Variants in SMTN observed in about 807,000 individuals in gnomAD.
SMTN encodes the protein smoothelin.
SMTN carries 58 observed loss-of-function variants against 102.0 expected under a neutral mutation model. The observed-to-expected ratio is 0.57, with a 90% CI of 0.46 to 0.71. SMTN has a LOEUF of 0.71. SMTN is among the 30% of genes least tolerant of loss of function. The pLI, the probability that SMTN is intolerant of heterozygous loss-of-function variation, is 0.00. For missense variants in SMTN, 1,185 were observed against 1,241.7 expected (o/e 0.95, Z 0.69); for synonymous variants, 478 against 497.9 (o/e 0.96, Z 0.53).
Position 31,083,182 on chromosome 22 carries a change from T to C in SMTN, c.-77T>C. ...GATTCATGTCTGTCCCCTGCAGAAT[T>C]CTCTGAGCTGGTGACAGGTGCCACA... On this transcript the variant is annotated 5_prime_UTR_variant, in exon 2 of 21. Transcript: ENST00000333137. 2 of 1,569,072 alleles carry C rather than the reference T, an allele frequency of 1.3e-6. No individual in the cohort carries two copies. Among genetic ancestry groups the C allele is most frequent in the Non-Finnish European group, 1.7e-6 (2 of 1,156,576 alleles).
chr22:31,074,615 T>C (rs752769444), intron 1 of SMTN, among the ~76,000 whole-genome samples: 15 of 152,038 alleles, frequency 9.9e-5, no homozygotes, highest in Non-Finnish European at 1.6e-4. Context: ...CATGGTGAAA[T>C]CCTGTCTCTA....
chr22:31,090,950 G>A lies in SMTN; in HGVS notation c.938-11G>A. 1 of 1,612,860 alleles carries A rather than the reference G, an allele frequency of 6.2e-7. No homozygotes were observed. On this transcript the variant is annotated splice_polypyrimidine_tract_variant and intron_variant, in intron 9 of 20. Transcript: ENST00000333137. ...CCACCCAGTTGCTGACAGCCCTCCT[G>A]TTCCTTCTAGAGTCCACCCCCCTTG... is the stretch of plus-strand genomic sequence containing the variant.
chr22:31,064,172 A>C (rs887748216), exon 1 of SMTN: 3 of 152,298 alleles, frequency 2.0e-5, no homozygotes, highest in African/African-American at 4.8e-5. Flanking sequence ...GAAGAGGAAG[A>C]AGCAGAACTG....
At position 31,091,414 on chromosome 22, in the gene SMTN, A is replaced by G. The variant is rs200763284; in HGVS notation, c.1391A>G (p.Glu464Gly). ...GGSMKTTFTI[E>G]IKDGRGQAST... ...AGTATGAAGACCACATTCACCATCG[A>G]GATCAAGGACGGCCGTGGCCAGGCC... Residue 464 changes from glutamate to glycine, a missense_variant, in exon 10 of 21, where the codon GAG becomes GGG. Glu to Gly is a moderately conservative substitution (Grantham distance 98). Around this residue, in one of 2 missense-constraint regions of SMTN, gnomAD observed 1,096 missense variants for 1,112.7 expected, o/e 0.98. Coordinates refer to ENST00000333137, the MANE Select transcript of SMTN (RefSeq NM_134269.3). The G allele has an allele frequency of 4.2e-5, 66 of 1,570,112 alleles. No homozygotes were observed. Among genetic ancestry groups the G allele is most frequent in the Non-Finnish European group, 4.0e-5 (46 of 1,163,490 alleles).
intron 19 of SMTN, 89 bp downstream of exon 19, chr22:31,099,985 G>A: frequency 7.4e-7 from 1 of 1,342,690 alleles, no homozygotes; most frequent in Non-Finnish European, 1.0e-6. Context: ...AACCCCTGGA[G>A]CGGGCCAGCC....
At chr22:31,084,199 C>G (rs969011074) in intron 2 of SMTN, among the ~76,000 whole-genome samples, 19 of 152,208 alleles carry the variant, frequency 1.2e-4, no homozygotes, top group Admixed American at 6.5e-5. Context: ...CCTTCCCCAA[C>G]CCCAAAGGCC....
chr22:31,064,611 G>A (rs1464845576), intron 1 of SMTN: 1 of 152,076 alleles, frequency 6.6e-6, no homozygotes, highest in Non-Finnish European at 1.5e-5. Flanking sequence ...TCCAGCCCCA[G>A]CCTCCAGAGT....
In SMTN at chr22:31,103,978, G is replaced by A. The variant is rs367927204; in HGVS notation, c.*21-338G>A. On this transcript the variant is annotated intron_variant, in intron 20 of 20. Coordinates refer to ENST00000333137, the MANE Select transcript of SMTN (RefSeq NM_134269.3). ...CCAACTGGAGTGTGCCAGTGAGGGT[G>A]AGCAGAAGGTGGTCTCCAGGGAGAA... The A allele has an allele frequency of 1.1e-4, 34 of 317,548 alleles. No individual in the cohort carries two copies. The East Asian group carries it at 1.2e-3, about 11-fold the overall frequency. The allele number at this position is 317,548 out of a possible 1,614,324, so 19.7% of individuals were successfully genotyped here.
chr22:31,098,827 G>C lies in SMTN; in HGVS notation c.2320G>C (p.Glu774Gln), dbSNP rs80055673. ...GGCCATGATTGAGAAGCTGGAGAAG[G>C]AGGGCGCGGCCGGGTGAGCTGCAGA... ...RKAMIEKLEK[E>Q]GAAGSPGGPR... The change falls in exon 17 of 21, where the codon GAG (glutamate) becomes CAG (glutamine). Residue 774 changes from glutamate to glutamine, a missense_variant. Transcript: ENST00000333137. 0.016 allele frequency: 25,498 copies of C among 1,609,344 alleles called. 395 individuals carry two copies. Among genetic ancestry groups the C allele is most frequent in the Admixed American group, 0.057 (3,421 of 59,710 alleles).
chr22:31,098,946 A>C, intron 17 of SMTN, 106 bp downstream of exon 17: 1 of 1,545,140 alleles, frequency 6.5e-7, no homozygotes, highest in Non-Finnish European at 8.8e-7. Flanking sequence ...GCGCGGCTAG[A>C]TCTGTGGTGC....
chr22:31,090,256 G>C, intron 8 of SMTN, 76 bp downstream of exon 8: 1 of 1,247,814 alleles, frequency 8.0e-7, no homozygotes, highest in Non-Finnish European at 1.1e-6. Context: ...CCTAGAAAAT[G>C]GGCTCTTGTG....
chr22:31,094,667 T>G (rs955817671), intron 11 of SMTN, among the ~76,000 whole-genome samples: 251 of 85,916 alleles, frequency 2.9e-3, no homozygotes, highest in African/African-American at 0.015. Flanking sequence ...CCCTTCTGTT[T>G]TTTTTTTTTT....
At position 31,091,793 on chromosome 22, in the gene SMTN, T is replaced by C; in HGVS notation, c.1578T>C (p.His526=). 6.2e-7 allele frequency: 1 copy of C among 1,608,374 alleles called. No individual in the cohort carries two copies. Among genetic ancestry groups the C allele is most frequent in the Admixed American group, 1.7e-5 (1 of 59,642 alleles). ...TGGCTCGGCTGGGCAGTGTCACTCATGTCACCAGCTTCAGCCATGCCCCCC... is the reference window on the plus strand; with the variant it reads ...TGGCTCGGCTGGGCAGTGTCACTCACGTCACCAGCTTCAGCCATGCCCCCC... ...GTLARLGSVT[H]VTSFSHAPPS... is the part of the protein sequence containing the mutation. Residue 526 remains histidine (H), a synonymous_variant, in exon 11 of 21, where the codon CAT becomes CAC. Transcript: ENST00000333137.
At chr22:31,085,173 G>A (rs1226710474) in intron 2 of SMTN, 6 of 1,535,404 alleles carry the variant, frequency 3.9e-6, no homozygotes, top group Non-Finnish European at 3.5e-6. Context: ...TTCGACCTCC[G>A]CCACTCAGCT....
rs1602674411 is a variant in SMTN, at chr22:31,099,353, G to A, written c.2451+174G>A. The A allele has an allele frequency of 2.0e-5, 12 of 602,196 alleles. No homozygotes were observed. The East Asian group carries it at 3.3e-4, about 17-fold the overall frequency. The allele number at this position is 602,196 out of a possible 1,614,324, so 37.3% of individuals were successfully genotyped here. On this transcript the variant is annotated intron_variant, in intron 18 of 20. Coordinates refer to ENST00000333137, the MANE Select transcript of SMTN (RefSeq NM_134269.3). ...GAGGCTCAAAGAGGACACAAGGCAA[G>A]CCCTAGATTCCAGAATCAGTGATGA...
chr22:31,064,381 C>T (rs529298604), intron 1 of SMTN: 44 of 152,124 alleles, frequency 2.9e-4, no homozygotes, highest in Non-Finnish European at 5.3e-4. Context: ...TCATCTGGAA[C>T]GTACAGAGAT....
chr22:31,099,242 T>G, intron 18 of SMTN, 63 bp downstream of exon 18: 1 of 1,033,382 alleles, frequency 9.7e-7, no homozygotes, highest in Non-Finnish European at 1.5e-6. Flanking sequence ...CACCTCCTTC[T>G]TAGCAGAGCT....
rs5997871 is a variant in SMTN at position 31,095,177 on chromosome 22, T to G, written c.1633-126T>G. On this transcript the variant is annotated intron_variant, in intron 11 of 20. Coordinates refer to ENST00000333137, the MANE Select transcript of SMTN (RefSeq NM_134269.3). The surrounding 1 kb of genome is among the most constrained non-coding windows in gnomAD (Gnocchi z 4.1). Reference sequence around the variant, plus strand: ...CATGGCCATCTTTGGGCAGGCAGGCTGGCAGGCTAGTGGTTATTTCCAAGG... The same window carrying G: ...CATGGCCATCTTTGGGCAGGCAGGCGGGCAGGCTAGTGGTTATTTCCAAGG... 0.12 allele frequency: 112,926 copies of G among 951,502 alleles called. 7,224 individuals carry two copies. Among genetic ancestry groups the G allele is most frequent in the African/African-American group, 0.16 (10,123 of 61,398 alleles). 58.9% of individuals were successfully genotyped at this position (951,502 alleles called of 1,614,324 possible). A position where few individuals can be genotyped will look rare whatever the true frequency, so the allele number is the denominator to read the frequency against.
chr22:31,088,244 C>A, intron 3 of SMTN, 131 bp downstream of exon 3: 1 of 1,097,982 alleles, frequency 9.1e-7, no homozygotes, highest in Non-Finnish European at 1.3e-6. Flanking sequence ...CGTCCACACA[C>A]GCTTCTGGAA....
Sources: allele counts gnomAD v4.1 joint callset (sites outside exome capture counted in the v4.1 genomes callset), GRCh38; gene constraint gnomAD v4.1.1; regional missense constraint gnomAD v4.1.1; non-coding constraint Gnocchi (gnomAD v3.1); transcripts MANE v1.5; gene names NCBI Gene and HGNC (gene_info 2026-07-23, HGNC 2026-07-21).